The following PI4KA variants were observed in gnomAD, a reference collection of about 807,000 sequenced individuals.
The protein encoded by PI4KA is phosphatidylinositol 4-kinase alpha, also known as PI4-kinase alpha.
A neutral mutation model predicts 271.4 loss-of-function variants in PI4KA; 122 were observed. The ratio of observed to expected loss-of-function variants is 0.45; its 90% CI spans 0.39 to 0.52. The LOEUF (loss-of-function observed/expected upper bound fraction) is 0.52. PI4KA is among the 20% of genes least tolerant of loss of function. The probability of loss-of-function intolerance (pLI) is 0.00; values close to 1 mark genes in which losing one functional copy is unlikely to be tolerated. For missense variants in PI4KA, 1,969 were observed against 2,769.1 expected (o/e 0.71, Z 6.48); for synonymous variants, 1,041 against 1,078.8 (o/e 0.96, Z 0.69).
rs767797443 is a variant in PI4KA, at chr22:20,807,426, G to A, written c.1104C>T (p.Ser368=). ...ANPSADLYYT[S]FSDPLYLTMF... ...TGGTCAGGTAGAGAGGGTCACTGAAGGAAGTGTAGTAGAGATCAGCACTGG... is the reference window on the plus strand; with the variant it reads ...TGGTCAGGTAGAGAGGGTCACTGAAAGAAGTGTAGTAGAGATCAGCACTGG... The change falls in exon 10 of 55, where the codon TCC becomes TCT. Residue 368 remains serine, a synonymous_variant. Transcript: ENST00000255882. The A allele has an allele frequency of 6.2e-6, 10 of 1,613,242 alleles. No homozygotes were observed. In the South Asian group the frequency reaches 1.1e-4, roughly 18 times the overall value.
Position 20,742,253 on chromosome 22 carries a change from GCCAGCAGCCACTC to G in PI4KA, c.3703_3715del (p.Glu1235LeufsTer20), listed in dbSNP as rs773568543. ...CGGCACTTCCACTCCATCCTTGCCA[GCCAGCAGCCACTC>G]CCAGCAGGCCAGGGCCGTCTCCATG... On this transcript the variant is annotated frameshift_variant, in exon 32 of 55. Transcript: ENST00000255882. LOFTEE classifies it high-confidence loss of function. The G allele has an allele frequency of 2.5e-6, 4 of 1,614,094 alleles. No individual in the cohort carries two copies. The highest frequency in any genetic ancestry group is 3.4e-6 in the Non-Finnish European group (4 of 1,180,002).
rs141570620 is a variant in PI4KA, at chr22:20,713,341, G to A, written c.5511C>T (p.Ala1837=). 310 of 1,599,000 alleles carry A rather than the reference G, an allele frequency of 1.9e-4. 1 individual carries two copies. Among genetic ancestry groups the A allele is most frequent in the Admixed American group, 6.4e-4 (38 of 59,188 alleles). Residue 1837 remains alanine (A), a synonymous_variant, in exon 48 of 55, where the codon GCC becomes GCT. Coordinates refer to ENST00000255882, the MANE Select transcript of PI4KA (RefSeq NM_058004.4). ...CCTGCCAGGAGATCTTCTGGCCGTC[G>A]GCCTCCTGCGTGCTGCACTCATCCT... ...DSEDECSTQE[A]DGQKISWQAA...
chr22:20,766,687 T>C (rs758187098), intron 19 of PI4KA, among the ~76,000 whole-genome samples: 1 of 152,072 alleles, frequency 6.6e-6, no homozygotes, highest in Non-Finnish European at 1.5e-5. Context: ...AGGTTTAACT[T>C]GTGCACGATG....
intron 3 of PI4KA, among the ~76,000 whole-genome samples, chr22:20,826,671 G>A (rs1476762777): frequency 6.6e-6 from 1 of 152,242 alleles, no homozygotes; most frequent in Non-Finnish European, 1.5e-5. Flanking sequence ...CACACCAGCA[G>A]TGTGTAAGTG....
chr22:20,801,530 A>G lies in PI4KA; in HGVS notation c.1724+443T>C, dbSNP rs922658977. 4.2e-4 allele frequency among the ~76,000 whole-genome samples: 64 copies of G among 151,510 alleles called. 2 individuals are homozygous for G. Among genetic ancestry groups the G allele is most frequent in the Non-Finnish European group, 4.4e-4 (30 of 67,880 alleles). On this transcript the variant is annotated intron_variant, in intron 14 of 54. Transcript: ENST00000255882. ...AACCCAGGAGGCAGAGGTTGCTGTG[A>G]GCTGAGATTGCGCCATTGCACTCCC...
chr22:20,787,571 T>C (rs893171732), intron 19 of PI4KA: 6 of 186,080 alleles, frequency 3.2e-5, no homozygotes, highest in African/African-American at 9.4e-5. Context: ...CCTGGGCTAA[T>C]GTTAGGGCTT....
chr22:20,820,416 T>C, intron 5 of PI4KA, 123 bp downstream of exon 5: 1 of 679,614 alleles, frequency 1.5e-6, no homozygotes, highest in Non-Finnish European at 2.6e-6. Context: ...CAAATCAAAC[T>C]AAAATAGGAA....
At chr22:20,731,006 C>CT (rs1243674521) in intron 36 of PI4KA, among the ~76,000 whole-genome samples, 2 of 151,974 alleles carry the variant, frequency 1.3e-5, no homozygotes, top group African/African-American at 4.8e-5. Context: ...GCAAGACGCC[C>CT]TATCTCTACA....
Position 20,712,593 on chromosome 22 carries a change from T to G in PI4KA, c.5695A>C (p.Ile1899Leu). ...TGGTCCCGGGAGGTGCAGTCGGGGA[T>G]GCACTCGATCACCCCGCACTAGGAG... ...TAPGCGVIECIPDCTSRDQLG... is the reference protein window; with the variant it reads ...TAPGCGVIECLPDCTSRDQLG... Residue 1899 changes from isoleucine (I) to leucine (L), a missense_variant, in exon 50 of 55, where the codon ATC becomes CTC. Coordinates refer to ENST00000255882, the MANE Select transcript of PI4KA (RefSeq NM_058004.4). 1 of 1,586,040 alleles carries G rather than the reference T, an allele frequency of 6.3e-7. No individual in the cohort carries two copies. The highest frequency in any genetic ancestry group is 8.6e-7 in the Non-Finnish European group (1 of 1,167,550).
chr22:20,808,849 T>A (rs1261736664), intron 9 of PI4KA, among the ~76,000 whole-genome samples: 4 of 152,008 alleles, frequency 2.6e-5, no homozygotes, highest in Non-Finnish European at 5.9e-5. Flanking sequence ...CAGCTAATAT[T>A]ATAATTCTTG....
At chr22:20,807,294 T>C (rs1239256132) in intron 10 of PI4KA, 68 bp downstream of exon 10, 4 of 953,098 alleles carry the variant, frequency 4.2e-6, no homozygotes, top group African/African-American at 3.2e-5. Context: ...CTGCAACCAC[T>C]AGCATGCGAC....
chr22:20,841,934 G>A (rs564514655), intron 1 of PI4KA, among the ~76,000 whole-genome samples: 2 of 152,256 alleles, frequency 1.3e-5, no homozygotes, highest in South Asian at 2.1e-4. Context: ...TGGAAATGAT[G>A]GCTGGGTGCG....
In PI4KA at chr22:20,825,754, A is replaced by G. The variant is rs575837680; in HGVS notation, c.368-1340T>C. Among the ~76,000 whole-genome samples, 176 of 152,312 alleles carry G rather than the reference A, an allele frequency of 1.2e-3. 1 individual carries two copies. Among genetic ancestry groups the G allele is most frequent in the African/African-American group, 3.9e-3 (161 of 41,576 alleles). On this transcript the variant is annotated intron_variant, in intron 3 of 54. Coordinates refer to ENST00000255882, the MANE Select transcript of PI4KA (RefSeq NM_058004.4). ...GTTTTTTAATTTTTATTTCAGGTTC[A>G]GGGGTACATACGCAGTTTTGTTATA... is the stretch of plus-strand genomic sequence containing the variant.
chr22:20,828,492 T>G (rs1210267865), intron 3 of PI4KA, among the ~76,000 whole-genome samples: 1 of 152,172 alleles, frequency 6.6e-6, no homozygotes, highest in African/African-American at 2.4e-5. Context: ...GCTATGGGTT[T>G]GTCATAGATG....
In PI4KA at chr22:20,715,754, A is replaced by C. The variant is rs531896536; in HGVS notation, c.5318-1054T>G. 3.3e-5 allele frequency among the ~76,000 whole-genome samples: 5 copies of C among 152,010 alleles called. No homozygotes were observed. The South Asian group carries it at 1.0e-3, about 32-fold the overall frequency. ...CCTCCCAAAGTGCTGGGATTAAGGC[A>C]TGAGCCACCGCGCCCGGCCAACATT... On this transcript the variant is annotated intron_variant, in intron 45 of 54. Transcript: ENST00000255882.
At chr22:20,728,925 ACT>A (rs1256716525) in intron 39 of PI4KA, among the ~76,000 whole-genome samples, 3 of 151,556 alleles carry the variant, frequency 2.0e-5, no homozygotes, top group Non-Finnish European at 4.4e-5. Context: ...TCCTCCAAAT[ACT>A]CTGCCACTGA....
Position 20,727,882 on chromosome 22 carries a change from TA to T in PI4KA, c.4683-19del. On this transcript the variant is annotated intron_variant, in intron 39 of 54. Transcript: ENST00000255882. ...TCTTAAACCTACAGTGCACAGAGGG[TA>T]TGGGTGGTGCTGCCTCGCCAGGGAA... 6.2e-7 allele frequency: 1 copy of T among 1,602,174 alleles called. No homozygotes were observed.
chr22:20,723,836 A>C (rs1014929618), intron 42 of PI4KA, among the ~76,000 whole-genome samples: 1 of 151,512 alleles, frequency 6.6e-6, no homozygotes, highest in Admixed American at 6.6e-5. Flanking sequence ...CAATAAATAA[A>C]TAAATATTTA....
chr22:20,767,413 T>C (rs1351465318), intron 19 of PI4KA, among the ~76,000 whole-genome samples: 2 of 151,546 alleles, frequency 1.3e-5, no homozygotes, highest in East Asian at 3.9e-4. Context: ...TACTGCACTC[T>C]AGCCTGGGCG....
Sources: allele counts gnomAD v4.1 joint callset (sites outside exome capture counted in the v4.1 genomes callset), GRCh38; gene constraint gnomAD v4.1.1; transcripts MANE v1.5; gene names NCBI Gene and HGNC (gene_info 2026-07-23, HGNC 2026-07-21).